Variants in NT5DC1 observed in about 807,000 individuals in gnomAD.
The protein encoded by NT5DC1 is 5'-nucleotidase domain-containing protein 1.
Under a neutral mutation model 59.4 loss-of-function variants are expected in NT5DC1, and 42 were observed. That is an observed-to-expected ratio of 0.71 (90% CI 0.55 to 0.92). The LOEUF (loss-of-function observed/expected upper bound fraction) is 0.92. Ranked by LOEUF, NT5DC1 falls within the 40% of genes least tolerant of loss-of-function variation. NT5DC1 has a pLI of 0.00. For synonymous variants in NT5DC1, 172 were observed against 188.1 expected (o/e 0.91, Z 0.70); for missense variants, 501 against 537.1 (o/e 0.93, Z 0.66).
intron 6 of NT5DC1, among the ~76,000 whole-genome samples, chr6:116,145,199 C>T (rs1658463160): frequency 6.6e-6 from 1 of 152,042 alleles, no homozygotes; most frequent in Non-Finnish European, 1.5e-5. Context: ...TTGTCCTCAA[C>T]AGAGGACAAC....
chr6:116,167,866 C>T (rs958859560), intron 6 of NT5DC1, among the ~76,000 whole-genome samples: 9 of 151,996 alleles, frequency 5.9e-5, no homozygotes, highest in Middle Eastern at 3.2e-3. Context: ...TGTTGATTTT[C>T]TGAAAATTTT....
intron 6 of NT5DC1, among the ~76,000 whole-genome samples, chr6:116,178,084 TGTGTGCGCGCGCGCGCGCGTGCGTGC>T (rs1288146575): frequency 9.8e-5 from 9 of 91,916 alleles, no homozygotes; most frequent in African/African-American, 2.7e-4. Context: ...TGTGTGTGTG[TGTGTGCGCGCGCGCGCGCGTGCGTGC>T]GTGTGTGTGT....
At chr6:116,222,818 A>G (rs1781834013) in intron 7 of NT5DC1, among the ~76,000 whole-genome samples, 1 of 152,128 alleles carries the variant, frequency 6.6e-6, no homozygotes. Context: ...TTATGTTTAT[A>G]CTTCAAAGAG....
intron 6 of NT5DC1, among the ~76,000 whole-genome samples, chr6:116,212,300 T>C (rs892667107): frequency 5.9e-5 from 9 of 152,042 alleles, no homozygotes; most frequent in African/African-American, 2.2e-4. Flanking sequence ...TGGAAAAGTA[T>C]AGTGAAAAAC....
intron 9 of NT5DC1, among the ~76,000 whole-genome samples, chr6:116,237,796 T>C (rs1782149186): frequency 6.6e-6 from 1 of 152,258 alleles, no homozygotes; most frequent in Non-Finnish European, 1.5e-5. Flanking sequence ...ATTTGCACTT[T>C]TAATAATCTC....
intron 6 of NT5DC1, among the ~76,000 whole-genome samples, chr6:116,146,637 T>A (rs1779904159): frequency 6.6e-6 from 1 of 152,200 alleles, no homozygotes; most frequent in East Asian, 1.9e-4. Flanking sequence ...TATCTTACAG[T>A]TTCCTATAGT....
intron 6 of NT5DC1, chr6:116,121,011 G>A (rs1364895078): frequency 1.2e-6 from 2 of 1,613,818 alleles, no homozygotes; most frequent in Non-Finnish European, 1.7e-6. Flanking sequence ...TATCCTGCAG[G>A]CCCAGCTGGC....
chr6:116,171,457 G>C (rs1780606710), intron 6 of NT5DC1, among the ~76,000 whole-genome samples: 1 of 152,132 alleles, frequency 6.6e-6, no homozygotes, highest in Admixed American at 6.6e-5. Context: ...GTTAGTGGTG[G>C]TAAAGATGAT....
In NT5DC1 at chr6:116,233,772, T is replaced by G. The variant is rs1250858122; in HGVS notation, c.803-3194T>G. On this transcript the variant is annotated intron_variant, in intron 8 of 11. Coordinates refer to ENST00000319550, the MANE Select transcript of NT5DC1 (RefSeq NM_152729.3). ...TGAAGGGATTATAGCTAAGACTTCT[T>G]AAACACTTACTTTGTGGCAGACACT... Among the ~76,000 whole-genome samples, 6 of 152,320 alleles carry G rather than the reference T, an allele frequency of 3.9e-5. No homozygotes were observed. The East Asian group carries it at 1.2e-3, about 29-fold the overall frequency.
intron 6 of NT5DC1, among the ~76,000 whole-genome samples, chr6:116,194,973 T>C (rs1018296089): frequency 4.6e-5 from 7 of 152,110 alleles, no homozygotes; most frequent in Admixed American, 2.0e-4. Flanking sequence ...CTGGAAGATA[T>C]ACAGTGATTA....
intron 6 of NT5DC1, among the ~76,000 whole-genome samples, chr6:116,194,268 G>A (rs1781181448): frequency 6.6e-6 from 1 of 151,966 alleles, no homozygotes; most frequent in East Asian, 1.9e-4. Flanking sequence ...TTATAAAAAT[G>A]GAACTCTAAA....
chr6:116,237,475 T>A (rs1782139132), intron 9 of NT5DC1: 1 of 458,772 alleles, frequency 2.2e-6, no homozygotes, highest in Non-Finnish European at 4.4e-6. Context: ...TTTACCAGAA[T>A]TTCTGTGAGC....
intron 6 of NT5DC1, among the ~76,000 whole-genome samples, chr6:116,122,606 C>A (rs1779164721): frequency 6.6e-6 from 1 of 152,116 alleles, no homozygotes; most frequent in South Asian, 2.1e-4. Context: ...TGTTTGATTT[C>A]ATAGAGCTGT....
Position 116,163,741 on chromosome 6 carries a change from T to A in NT5DC1, c.529+45796T>A, listed in dbSNP as rs555905947. Reference sequence around the variant, plus strand: ...ATTTGAGATCTATCTTTTTGATTTATGAATTTAGTACTATGAACTTTCCTC... The same window carrying A: ...ATTTGAGATCTATCTTTTTGATTTAAGAATTTAGTACTATGAACTTTCCTC... On this transcript the variant is annotated intron_variant, in intron 6 of 11. Coordinates refer to ENST00000319550, the MANE Select transcript of NT5DC1 (RefSeq NM_152729.3). Among the ~76,000 whole-genome samples the A allele has an allele frequency of 5.9e-5, 9 of 152,340 alleles. No homozygotes were observed. In the South Asian group the frequency reaches 1.9e-3, roughly 32 times the overall value.
chr6:116,117,604 A>G (rs1195162971), intron 5 of NT5DC1, among the ~76,000 whole-genome samples: 1 of 152,216 alleles, frequency 6.6e-6, no homozygotes, highest in Non-Finnish European at 1.5e-5. Flanking sequence ...AAGAAAGCCT[A>G]TTTTATAATA....
chr6:116,106,451 T>G, intron 2 of NT5DC1, 116 bp downstream of exon 2: 1 of 637,794 alleles, frequency 1.6e-6, no homozygotes, highest in Non-Finnish European at 2.8e-6. Flanking sequence ...AATGTGAGAT[T>G]GAGTCAAAGG....
In NT5DC1 at chr6:116,106,362, T is replaced by A. The variant is rs544263791; in HGVS notation, c.185+27T>A. ...TAAGTTCTTTTTTTTTTTTTTTTTT[T>A]AAGTCTGTACATTTCCTGTGGTTCT... is the stretch of plus-strand genomic sequence containing the variant. On this transcript the variant is annotated intron_variant, in intron 2 of 11. Coordinates refer to ENST00000319550, the MANE Select transcript of NT5DC1 (RefSeq NM_152729.3). The A allele has an allele frequency of 5.1e-4, 389 of 760,276 alleles. 7 individuals carry two copies. In the South Asian group the frequency reaches 5.3e-3, roughly 10 times the overall value. The allele number at this position is 760,276 out of a possible 1,614,324, so 47.1% of individuals were successfully genotyped here. A position where few individuals can be genotyped will look rare whatever the true frequency, so the allele number is the denominator to read the frequency against.
chr6:116,231,409 A>C (rs1046724281), intron 8 of NT5DC1, among the ~76,000 whole-genome samples: 3 of 152,208 alleles, frequency 2.0e-5, no homozygotes, highest in African/African-American at 7.2e-5. Context: ...ACAGAAAGGA[A>C]TCCTAGAAAT....
chr6:116,106,424 A>G lies in NT5DC1; in HGVS notation c.185+89A>G, dbSNP rs1051662449. ...ATAAAACTGTAATGCTTTCTCTTCT[A>G]AGAAGATGGAATGTGAAATGTGAGA... On this transcript the variant is annotated intron_variant, in intron 2 of 11. Coordinates refer to ENST00000319550, the MANE Select transcript of NT5DC1 (RefSeq NM_152729.3). 9.7e-5 allele frequency: 65 copies of G among 671,962 alleles called. 2 individuals are homozygous for G. Among genetic ancestry groups the G allele is most frequent in the Non-Finnish European group, 4.7e-5 (18 of 380,780 alleles). The allele number at this position is 671,962 out of a possible 1,614,324, so 41.6% of individuals were successfully genotyped here. A position where few individuals can be genotyped will look rare whatever the true frequency, so the allele number is the denominator to read the frequency against.
Sources: allele counts gnomAD v4.1 joint callset (sites outside exome capture counted in the v4.1 genomes callset), GRCh38; gene constraint gnomAD v4.1.1; transcripts MANE v1.5; gene names NCBI Gene and HGNC (gene_info 2026-07-23, HGNC 2026-07-21).